Variants in SLC35F3 observed in about 807,000 individuals in gnomAD.
The protein encoded by SLC35F3 is solute carrier family 35 member F3.
SLC35F3 carries 25 observed loss-of-function variants against 49.9 expected under a neutral mutation model. That is an observed-to-expected ratio of 0.50 (90% CI 0.37 to 0.70). The LOEUF is 0.70. Ranked by LOEUF, SLC35F3 falls within the 30% of genes least tolerant of loss-of-function variation. The pLI is 0.00. For missense variants in SLC35F3, 525 were observed against 639.8 expected (o/e 0.82, Z 1.94); for synonymous variants, 275 against 265.4 (o/e 1.04, Z -0.35).
intron 2 of SLC35F3, among the ~76,000 whole-genome samples, chr1:233,979,770 C>T (rs1558195537): frequency 6.6e-6 from 1 of 152,170 alleles, no homozygotes; most frequent in South Asian, 2.1e-4. Flanking sequence ...GAACAGGCTG[C>T]ACCGGTCTGA....
At chr1:234,216,805 T>G (rs1267198365) in intron 2 of SLC35F3, among the ~76,000 whole-genome samples, 1 of 152,126 alleles carries the variant, frequency 6.6e-6, no homozygotes, top group East Asian at 1.9e-4. Flanking sequence ...TGTGAGGAGA[T>G]GCAATAAGGT....
At chr1:233,936,758 G>A (rs1662340981) in intron 2 of SLC35F3, among the ~76,000 whole-genome samples, 1 of 151,882 alleles carries the variant, frequency 6.6e-6, no homozygotes. Flanking sequence ...GTGTGATCAT[G>A]GTTCACTGCA....
At chr1:234,159,115 C>G (rs1666192426) in intron 2 of SLC35F3, among the ~76,000 whole-genome samples, 1 of 152,120 alleles carries the variant, frequency 6.6e-6, no homozygotes, top group Non-Finnish European at 1.5e-5. Context: ...CAGTGCAAGA[C>G]TCTTCACACA....
intron 7 of SLC35F3, among the ~76,000 whole-genome samples, chr1:234,322,686 TA>T (rs1266840719): frequency 4.7e-5 from 7 of 147,580 alleles, no homozygotes; most frequent in Non-Finnish European, 1.0e-4. Flanking sequence ...TGTGTGTGTG[TA>T]CTATCTATCT....
intron 2 of SLC35F3, among the ~76,000 whole-genome samples, chr1:234,065,674 C>T (rs1055694708): frequency 4.6e-5 from 7 of 152,124 alleles, no homozygotes; most frequent in Non-Finnish European, 1.0e-4. Context: ...TTAGTAAAGA[C>T]TTAAAAACAG....
chr1:234,202,644 C>T (rs1054624656), intron 2 of SLC35F3, among the ~76,000 whole-genome samples: 2 of 152,204 alleles, frequency 1.3e-5, no homozygotes, highest in South Asian at 2.1e-4. Flanking sequence ...CCTTCATGGG[C>T]GGGAGCCCTC....
intron 2 of SLC35F3, among the ~76,000 whole-genome samples, chr1:234,181,843 T>C (rs1484335758): frequency 1.3e-5 from 2 of 152,234 alleles, no homozygotes; most frequent in African/African-American, 4.8e-5. Context: ...TGTATTTTCA[T>C]CACAAAATAC....
intron 2 of SLC35F3, among the ~76,000 whole-genome samples, chr1:234,118,482 G>T (rs1183399727): frequency 2.6e-5 from 4 of 152,196 alleles, no homozygotes; most frequent in Non-Finnish European, 5.9e-5. Flanking sequence ...TCGCTGGCGG[G>T]CTATGAATGG....
At chr1:234,109,515 A>G (rs1444527417) in intron 2 of SLC35F3, among the ~76,000 whole-genome samples, 2 of 152,264 alleles carry the variant, frequency 1.3e-5, no homozygotes, top group East Asian at 3.9e-4. Context: ...TTTCCATCTC[A>G]TCACTGTTTC....
chr1:234,266,369 T>C (rs1400580769), intron 3 of SLC35F3, among the ~76,000 whole-genome samples: 1 of 152,158 alleles, frequency 6.6e-6, no homozygotes, highest in Non-Finnish European at 1.5e-5. Context: ...CAACTAAAAC[T>C]AACAGTTTAT....
intron 3 of SLC35F3, among the ~76,000 whole-genome samples, chr1:234,278,356 G>T (rs1386986289): frequency 2.0e-5 from 3 of 152,088 alleles, no homozygotes; most frequent in Non-Finnish European, 4.4e-5. Context: ...CTGGTGCAAT[G>T]GCACGGGCCT....
chr1:234,252,226 C>T (rs182911075), intron 3 of SLC35F3, among the ~76,000 whole-genome samples: 30 of 152,152 alleles, frequency 2.0e-4, no homozygotes, highest in African/African-American at 6.5e-4. Context: ...CACACCACTA[C>T]GCCTGGCTAA....
intron 3 of SLC35F3, among the ~76,000 whole-genome samples, chr1:234,247,135 G>A (rs537832863): frequency 6.6e-6 from 1 of 152,366 alleles, no homozygotes; most frequent in East Asian, 1.9e-4. Flanking sequence ...AGCCCAAGTT[G>A]TATGGGAAGG....
rs1668464017 is a variant in SLC35F3 at position 234,288,899 on chromosome 1, C to G, written c.609-20202C>G. 2.0e-5 allele frequency among the ~76,000 whole-genome samples: 3 copies of G among 152,182 alleles called. No homozygotes were observed. The South Asian group carries it at 6.2e-4, about 32-fold the overall frequency. ...AGGAGGAACTAGGGGCTGAGAGATC[C>G]AAAGGGTATAGCTTGAATGTTACCC... On this transcript the variant is annotated intron_variant, in intron 3 of 7. Transcript: ENST00000366618.
intron 3 of SLC35F3, among the ~76,000 whole-genome samples, chr1:234,302,260 T>C (rs1668704909): frequency 6.6e-6 from 1 of 151,842 alleles, no homozygotes; most frequent in African/African-American, 2.4e-5. Flanking sequence ...CAAAGGAAAC[T>C]TTGGGGACTG....
chr1:234,316,819 C>A, intron 5 of SLC35F3, 92 bp downstream of exon 5: 1 of 1,449,600 alleles, frequency 6.9e-7, no homozygotes, highest in African/African-American at 1.4e-5. Flanking sequence ...TTTTCAACAG[C>A]TTCTGATGAT....
intron 2 of SLC35F3, among the ~76,000 whole-genome samples, chr1:234,100,563 T>C (rs1208783133): frequency 6.6e-6 from 1 of 152,230 alleles, no homozygotes; most frequent in African/African-American, 2.4e-5. Flanking sequence ...CCCATGGAAA[T>C]GTTTCTAAGT....
Position 234,224,460 on chromosome 1 carries a change from A to G in SLC35F3, c.284-6957A>G, listed in dbSNP as rs145047881. On this transcript the variant is annotated intron_variant, in intron 2 of 7. Coordinates refer to ENST00000366618, the MANE Select transcript of SLC35F3 (RefSeq NM_173508.4). ...AACACGTGAATTTGGGAAGAACACA[A>G]TCACTCAGTCCATAACACCCTCTTT... Among the ~76,000 whole-genome samples the G allele has an allele frequency of 4.1e-3, 618 of 152,310 alleles. 4 individuals carry two copies. Among genetic ancestry groups the G allele is most frequent in the African/African-American group, 0.014 (586 of 41,556 alleles).
chr1:234,100,080 A>T (rs914805233), intron 2 of SLC35F3, among the ~76,000 whole-genome samples: 4 of 152,238 alleles, frequency 2.6e-5, no homozygotes, highest in Non-Finnish European at 5.9e-5. Flanking sequence ...CTTAATTCTT[A>T]ATCAAGTATA....
Sources: allele counts gnomAD v4.1 joint callset (sites outside exome capture counted in the v4.1 genomes callset), GRCh38; gene constraint gnomAD v4.1.1; transcripts MANE v1.5; gene names NCBI Gene and HGNC (gene_info 2026-07-23, HGNC 2026-07-21).